The following PADI1 variants were observed in gnomAD, a reference collection of about 807,000 sequenced individuals.
PADI1 encodes peptidyl arginine deiminase 1.
PADI1 carries 65 observed loss-of-function variants against 74.8 expected under a neutral mutation model. The observed-to-expected ratio is 0.87, with a 90% CI of 0.71 to 1.07. The LOEUF is 1.07. Ranked by LOEUF, PADI1 falls within the 50% of genes least tolerant of loss-of-function variation. PADI1 has a pLI of 0.00. For missense variants in PADI1, 943 were observed against 854.0 expected (o/e 1.10, Z -1.30); for synonymous variants, 371 against 336.2 (o/e 1.10, Z -1.13).
intron 13 of PADI1, among the ~76,000 whole-genome samples, chr1:17,239,303 G>T (rs2072722959): frequency 6.6e-6 from 1 of 152,208 alleles, no homozygotes; most frequent in African/African-American, 2.4e-5. Flanking sequence ...TTTGCTGGCT[G>T]TGGTATCAAG....
rs776579321 is a variant in PADI1, at chr1:17,232,942, C to T, written c.1285C>T (p.Arg429Trp). 57 of 1,610,184 alleles carry T rather than the reference C, an allele frequency of 3.5e-5. No homozygotes were observed. The East Asian group carries it at 3.6e-4, about 10-fold the overall frequency. ...TVGGTEYPLG[R>W]ILIGSSFPKS... Reference sequence around the variant, plus strand: ...GGGCGGCACGGAATACCCCCTGGGCCGGATCCTCATCGGGAGCAGCTTCCC... The same window carrying T: ...GGGCGGCACGGAATACCCCCTGGGCTGGATCCTCATCGGGAGCAGCTTCCC... The change falls in exon 11 of 16, where the codon CGG becomes TGG. Residue 429 changes from arginine to tryptophan, a missense_variant. Arg to Trp is a moderately radical substitution (Grantham distance 101, BLOSUM62 -3). Transcript: ENST00000375471.
intron 1 of PADI1, among the ~76,000 whole-genome samples, chr1:17,220,825 A>C (rs1449849306): frequency 6.6e-6 from 1 of 152,222 alleles, no homozygotes. Flanking sequence ...GTTCACGCTT[A>C]TGCAGGGGAT....
intron 11 of PADI1, among the ~76,000 whole-genome samples, chr1:17,234,172 A>G (rs965759573): frequency 1.3e-5 from 2 of 152,240 alleles, no homozygotes; most frequent in Non-Finnish European, 2.9e-5. Context: ...AGTGTATACC[A>G]CAGTGCCTGG....
In PADI1 at chr1:17,235,293, G is replaced by GGGAGGGAAGGAAGGAA. The variant is rs1557479120; in HGVS notation, c.1314-2018_1314-2017insGGGAAGGAAGGAAGGA. ...AAGGAAGGAAGGAAGGAAGGAAGGA[G>GGGAGGGAAGGAAGGAA]GGAAGGAAGGAAGGAGGCAAAGTAG... On this transcript the variant is annotated intron_variant, in intron 11 of 15. Transcript: ENST00000375471. Among the ~76,000 whole-genome samples, 21 of 62,876 alleles carry GGGAGGGAAGGAAGGAA rather than the reference G, an allele frequency of 3.3e-4. 1 individual carries two copies. The highest frequency in any genetic ancestry group is 1.2e-3 in the African/African-American group (20 of 16,878). The allele number at this position is 62,876 out of a possible 152,430, so 41.2% of individuals were successfully genotyped here.
intron 1 of PADI1, among the ~76,000 whole-genome samples, chr1:17,213,342 G>C (rs562523588): frequency 1.2e-4 from 18 of 152,286 alleles, no homozygotes; most frequent in African/African-American, 4.1e-4. Context: ...CTGCAACTGA[G>C]CTCCCCGCGG....
At chr1:17,232,665 G>A (rs950659301) in intron 10 of PADI1, among the ~76,000 whole-genome samples, 154 bp from the exon 11 acceptor site, 5 of 152,118 alleles carry the variant, frequency 3.3e-5, no homozygotes, top group Admixed American at 3.3e-4. Context: ...AGCCCAGGGG[G>A]GATTTGTAAA....
In PADI1 at chr1:17,225,055, C is replaced by CTATG. The variant is rs534150040; in HGVS notation, c.408+628_408+631dup. 3.8e-3 allele frequency among the ~76,000 whole-genome samples: 575 copies of CTATG among 152,290 alleles called. 6 individuals carry two copies. Among genetic ancestry groups the CTATG allele is most frequent in the Middle Eastern group, 0.014 (4 of 294 alleles). Reference sequence around the variant, plus strand: ...CAAGACTGCTTGGGCATGGTGGCAACTATGATACAAATCATGTCTAGGGCC... The same window carrying CTATG: ...CAAGACTGCTTGGGCATGGTGGCAACTATGTATGATACAAATCATGTCTAGGGCC... On this transcript the variant is annotated intron_variant, in intron 4 of 15. Coordinates refer to ENST00000375471, the MANE Select transcript of PADI1 (RefSeq NM_013358.3).
At chr1:17,221,758 G>A (rs1266331332) in intron 1 of PADI1, among the ~76,000 whole-genome samples, 5 of 152,198 alleles carry the variant, frequency 3.3e-5, no homozygotes, top group Non-Finnish European at 5.9e-5. Flanking sequence ...GAGGGAAAGC[G>A]TAGTAGGGAG....
intron 15 of PADI1, among the ~76,000 whole-genome samples, chr1:17,242,508 GC>G (rs2072798010): frequency 6.6e-6 from 1 of 152,200 alleles, no homozygotes; most frequent in Non-Finnish European, 1.5e-5. Flanking sequence ...GCTGAAGGTG[GC>G]GGGGAGGGCC....
chr1:17,232,031 C>T (rs778771602), intron 10 of PADI1, among the ~76,000 whole-genome samples: 42 of 152,088 alleles, frequency 2.8e-4, no homozygotes, highest in South Asian at 6.2e-4. Context: ...CTCTGCCTTC[C>T]GGGTTCAAGC....
chr1:17,218,554 G>C (rs958294602), intron 1 of PADI1, among the ~76,000 whole-genome samples: 2 of 152,190 alleles, frequency 1.3e-5, no homozygotes, highest in Non-Finnish European at 2.9e-5. Context: ...GCCTCTGACA[G>C]GTCAATGAGG....
At chr1:17,236,531 G>T (rs755269787) in intron 11 of PADI1, among the ~76,000 whole-genome samples, 2 of 152,138 alleles carry the variant, frequency 1.3e-5, no homozygotes, top group African/African-American at 2.4e-5. Flanking sequence ...GAGGTGGGGG[G>T]GTCGCTTGAA....
rs751267468 is a variant in PADI1 at position 17,237,378 on chromosome 1, C to T, written c.1378C>T (p.Pro460Ser). Residue 460 changes from proline to serine, a missense_variant, in exon 12 of 16, where the codon CCC (proline) becomes TCC (serine). Physicochemically the swap from Pro to Ser is moderately conservative, Grantham distance 74 (BLOSUM62 -1). Transcript: ENST00000375471. ...NFLKAQQVQA[P>S]VELYSDWLSV... ...CCTGAAGGCACAGCAGGTGCAGGCACCCGTGGAGCTCTACTCGGACTGGCT... is the reference window on the plus strand; with the variant it reads ...CCTGAAGGCACAGCAGGTGCAGGCATCCGTGGAGCTCTACTCGGACTGGCT... 6.2e-7 allele frequency: 1 copy of T among 1,613,736 alleles called. No homozygotes were observed. The highest frequency in any genetic ancestry group is 1.1e-5 in the South Asian group (1 of 91,012).
chr1:17,222,824 A>G (rs531452223), intron 2 of PADI1, among the ~76,000 whole-genome samples: 5 of 152,212 alleles, frequency 3.3e-5, no homozygotes, highest in East Asian at 1.9e-4. Context: ...ACCGCACAAC[A>G]ACAACCCGTG....
At position 17,239,734 on chromosome 1, in the gene PADI1, A is replaced by G; in HGVS notation, c.1583A>G (p.Asn528Ser). 12 of 1,614,088 alleles carry G rather than the reference A, an allele frequency of 7.4e-6. No homozygotes were observed. The highest frequency in any genetic ancestry group is 1.0e-5 in the Non-Finnish European group (12 of 1,179,926). The part of the protein sequence containing the change: ...GLKHQAKRSI[N>S]EMLADRHLQR... Reference sequence around the variant, plus strand: ...AAACACCAGGCAAAAAGAAGCATTAATGAGATGCTGGCAGACAGACACCTC... The same window carrying G: ...AAACACCAGGCAAAAAGAAGCATTAGTGAGATGCTGGCAGACAGACACCTC... The change falls in exon 14 of 16, where the codon AAT (asparagine) becomes AGT (serine). Residue 528 changes from asparagine (N) to serine (S), a missense_variant. Asn to Ser is a conservative substitution (Grantham distance 46). Coordinates refer to ENST00000375471, the MANE Select transcript of PADI1 (RefSeq NM_013358.3).
chr1:17,222,159 G>C, intron 1 of PADI1, 131 bp from the exon 2 acceptor site: 1 of 651,444 alleles, frequency 1.5e-6, no homozygotes, highest in East Asian at 2.7e-5. Context: ...ACTGCCCTGT[G>C]CCTCCCCAGC....
rs1466369757 is a variant in PADI1, at chr1:17,240,774, T to G, written c.1758+14T>G. On this transcript the variant is annotated intron_variant, in intron 15 of 15. Transcript: ENST00000375471. ...TTCCCAGACATGGTGAGAGCCCTTG[T>G]GCAGGGTCCTGCTGGGGGGTCTGCG... is the stretch of plus-strand genomic sequence containing the variant. 1 of 1,612,396 alleles carries G rather than the reference T, an allele frequency of 6.2e-7. No homozygotes were observed. Among genetic ancestry groups the G allele is most frequent in the Non-Finnish European group, 8.5e-7 (1 of 1,178,924 alleles).
chr1:17,205,222 C>A lies in PADI1; in HGVS notation c.5C>A (p.Ala2Asp), dbSNP rs765166320. The change falls in exon 1 of 16, where the codon GCC becomes GAC. Residue 2 changes from alanine to aspartate, a missense_variant. Transcript: ENST00000375471. M[A>D]PKRVVQLSLK... is the part of the protein sequence containing the mutation. The stretch of plus-strand genomic sequence containing the variant: ...GGCTGGGAGCCAGGTGACAGGATGG[C>A]CCCAAAGAGAGTTGTGCAGCTGTCC... The A allele has an allele frequency of 1.2e-6, 2 of 1,613,750 alleles. No individual in the cohort carries two copies. The highest frequency in any genetic ancestry group is 2.2e-5 in the South Asian group (2 of 91,050).
At chr1:17,206,490 G>A (rs1417429260) in intron 1 of PADI1, among the ~76,000 whole-genome samples, 2 of 152,110 alleles carry the variant, frequency 1.3e-5, no homozygotes, top group African/African-American at 4.8e-5. Flanking sequence ...GGTCTAGGTG[G>A]CCAGCAGAGA....
Sources: gnomAD v4.1 joint callset for allele counts (sites outside exome capture counted in the v4.1 genomes callset) on GRCh38, gnomAD v4.1.1 for gene constraint, MANE v1.5 for transcripts, NCBI Gene and HGNC (gene_info 2026-07-23, HGNC 2026-07-21) for gene names.